The following GALNT1 variants were observed in gnomAD, a reference collection of about 807,000 sequenced individuals.
The protein encoded by GALNT1 is GalNAc transferase 1.
A neutral mutation model predicts 65.7 loss-of-function variants in GALNT1; 17 were observed. That is an observed-to-expected ratio of 0.26 (90% CI 0.18 to 0.39). The LOEUF is 0.39. Ranked by LOEUF, GALNT1 falls within the 10% of genes least tolerant of loss-of-function variation. GALNT1 has a pLI of 1.00. For synonymous variants in GALNT1, 210 were observed against 219.7 expected (o/e 0.96, Z 0.39); for missense variants, 460 against 672.8 (o/e 0.68, Z 3.50).
chr18:35,593,268 C>T (rs1465534358), intron 1 of GALNT1, among the ~76,000 whole-genome samples: 1 of 152,172 alleles, frequency 6.6e-6, no homozygotes, highest in Non-Finnish European at 1.5e-5. Flanking sequence ...TTGCTGATGT[C>T]CAGTGCTGCT....
intron 1 of GALNT1, among the ~76,000 whole-genome samples, chr18:35,600,081 A>T (rs569102137): frequency 7.9e-5 from 12 of 152,288 alleles, no homozygotes; most frequent in African/African-American, 2.4e-4. Context: ...TTTGATAGGG[A>T]TGCCCTGAAT....
Position 35,654,568 on chromosome 18 carries a change from C to T in GALNT1, c.-95C>T, listed in dbSNP as rs17561903. ...CCTTTCTTTCTCTATAGGGTATGAA[C>T]GTGATTTCTGATGAAACTGGATTGG... is the stretch of plus-strand genomic sequence containing the variant. On this transcript the variant is annotated 5_prime_UTR_variant, in exon 2 of 12. It adds an upstream start codon to the 5' untranslated region. Transcript: ENST00000269195. The T allele has an allele frequency of 0.092, 57,523 of 622,760 alleles. 2,941 individuals carry two copies. The highest frequency in any genetic ancestry group is 0.18 in the Admixed American group (3,884 of 21,632). The allele number at this position is 622,760 out of a possible 1,614,324, so 38.6% of individuals were successfully genotyped here. A position where few individuals can be genotyped will look rare whatever the true frequency, so the allele number is the denominator to read the frequency against.
intron 1 of GALNT1, among the ~76,000 whole-genome samples, chr18:35,601,289 T>A (rs1453811628): frequency 6.6e-6 from 1 of 152,080 alleles, no homozygotes; most frequent in Non-Finnish European, 1.5e-5. Flanking sequence ...TTTGTTAATG[T>A]CTTGTTTTTC....
At chr18:35,630,650 A>C (rs1437008051) in intron 1 of GALNT1, among the ~76,000 whole-genome samples, 1 of 152,326 alleles carries the variant, frequency 6.6e-6, no homozygotes, top group South Asian at 2.1e-4. Flanking sequence ...AGAACTAGAG[A>C]AGCAAGAGCA....
chr18:35,678,540 A>G (rs2144579259), intron 4 of GALNT1, among the ~76,000 whole-genome samples: 1 of 152,322 alleles, frequency 6.6e-6, no homozygotes, highest in South Asian at 2.1e-4. Flanking sequence ...CAGTAAAGAA[A>G]CTTGCTTAAC....
At position 35,666,362 on chromosome 18, in the gene GALNT1, C is replaced by G. The variant is rs532504776; in HGVS notation, c.314+2560C>G. 9.2e-5 allele frequency among the ~76,000 whole-genome samples: 14 copies of G among 152,242 alleles called. 1 individual carries two copies. In the South Asian group the frequency reaches 2.9e-3, roughly 32 times the overall value. On this transcript the variant is annotated intron_variant, in intron 3 of 11. Transcript: ENST00000269195. Reference sequence around the variant, plus strand: ...GCAAGTTGATTAAGTGGAGATCAGTCAAGAGAAGCTTAATTTGTAAAGATT... The same window carrying G: ...GCAAGTTGATTAAGTGGAGATCAGTGAAGAGAAGCTTAATTTGTAAAGATT...
At chr18:35,608,203 T>A (rs1409548352) in intron 1 of GALNT1, among the ~76,000 whole-genome samples, 1 of 152,162 alleles carries the variant, frequency 6.6e-6, no homozygotes, top group Non-Finnish European at 1.5e-5. Flanking sequence ...TAAAATTTTG[T>A]GGGTTTTCTG....
At chr18:35,627,443 A>C (rs1247619602) in intron 1 of GALNT1, 1 of 152,220 alleles carries the variant, frequency 6.6e-6, no homozygotes, top group African/African-American at 2.4e-5. Context: ...GATGTGGGAC[A>C]TGTGGATTTG....
chr18:35,606,873 T>TGTGTGTGTG (rs2046656817), intron 1 of GALNT1, among the ~76,000 whole-genome samples: 1 of 96,980 alleles, frequency 1.0e-5, no homozygotes, highest in African/African-American at 4.1e-5. Context: ...GTGTGTGTGT[T>TGTGTGTGTG]TGGAGGCTGG....
intron 1 of GALNT1, among the ~76,000 whole-genome samples, chr18:35,612,706 A>G (rs1310084880): frequency 6.6e-6 from 1 of 152,180 alleles, no homozygotes; most frequent in African/African-American, 2.4e-5. Flanking sequence ...TTTGCTAAAA[A>G]TACAAAAAAT....
chr18:35,696,858 A>G (rs1173562909), intron 9 of GALNT1, among the ~76,000 whole-genome samples: 1 of 152,232 alleles, frequency 6.6e-6, no homozygotes, highest in African/African-American at 2.4e-5. Context: ...CAGAGAGTAG[A>G]AAAGTGAATC....
chr18:35,586,190 T>G (rs540721762), intron 1 of GALNT1, among the ~76,000 whole-genome samples: 4 of 152,348 alleles, frequency 2.6e-5, no homozygotes, highest in Non-Finnish European at 4.4e-5. Flanking sequence ...GTGCATTTCC[T>G]TAAAGGCTAA....
intron 1 of GALNT1, among the ~76,000 whole-genome samples, chr18:35,636,622 G>A (rs533199120): frequency 3.3e-5 from 5 of 151,988 alleles, no homozygotes; most frequent in East Asian, 1.9e-4. Context: ...GATGTGGGTC[G>A]TTACATTCAT....
Position 35,703,496 on chromosome 18 carries a change from T to C in GALNT1, c.1399-13T>C, listed in dbSNP as rs772684468. 1.9e-6 allele frequency: 3 copies of C among 1,610,800 alleles called. No homozygotes were observed. The highest frequency in any genetic ancestry group is 2.2e-5 in the South Asian group (2 of 90,148). On this transcript the variant is annotated splice_polypyrimidine_tract_variant and intron_variant, in intron 10 of 11. Transcript: ENST00000269195. ...TATTTTTTCTGTTTATGTGTGTGCA[T>C]TTTTATTTCCAGGTTTTCTCTTATA...
At chr18:35,688,166 T>G (rs764599142) in intron 6 of GALNT1, among the ~76,000 whole-genome samples, 12 of 152,206 alleles carry the variant, frequency 7.9e-5, no homozygotes, top group Non-Finnish European at 1.6e-4. Context: ...GCAGAAGATT[T>G]AGCACACAAA....
At chr18:35,666,488 C>A (rs1458396456) in intron 3 of GALNT1, among the ~76,000 whole-genome samples, 2 of 152,160 alleles carry the variant, frequency 1.3e-5, no homozygotes, top group Non-Finnish European at 2.9e-5. Flanking sequence ...TTATAAACAA[C>A]CTTACATTTA....
chr18:35,671,043 C>G (rs2047627377), intron 3 of GALNT1, among the ~76,000 whole-genome samples: 1 of 152,096 alleles, frequency 6.6e-6, no homozygotes, highest in Non-Finnish European at 1.5e-5. Context: ...GAGAAAATAT[C>G]TTTATGATCT....
At chr18:35,690,690 G>A (rs2047946811) in intron 7 of GALNT1, among the ~76,000 whole-genome samples, 1 of 152,148 alleles carries the variant, frequency 6.6e-6, no homozygotes, top group African/African-American at 2.4e-5. Context: ...TCTTGAGGAA[G>A]CACTGGCTTT....
intron 1 of GALNT1, among the ~76,000 whole-genome samples, chr18:35,605,345 A>C (rs1052173964): frequency 5.3e-5 from 8 of 152,090 alleles, no homozygotes; most frequent in Non-Finnish European, 8.8e-5. Flanking sequence ...TAAAAATACA[A>C]AAATTAGCCG....
Sources: gnomAD v4.1 joint callset for allele counts (sites outside exome capture counted in the v4.1 genomes callset) on GRCh38, gnomAD v4.1.1 for gene constraint, MANE v1.5 for transcripts, NCBI Gene and HGNC (gene_info 2026-07-23, HGNC 2026-07-21) for gene names.